Variants in ITGAD observed in about 807,000 individuals in gnomAD.
ITGAD encodes integrin subunit alpha D.
A neutral mutation model predicts 139.0 loss-of-function variants in ITGAD; 105 were observed. The ratio of observed to expected loss-of-function variants is 0.76; its 90% CI spans 0.65 to 0.89. ITGAD has a LOEUF of 0.89. ITGAD is among the 40% of genes least tolerant of loss of function. The probability of loss-of-function intolerance (pLI) is 0.00; values close to 1 mark genes in which losing one functional copy is unlikely to be tolerated. For missense variants in ITGAD, 1,384 were observed against 1,487.3 expected (o/e 0.93, Z 1.14); for synonymous variants, 569 against 598.3 (o/e 0.95, Z 0.71).
At chr16:31,407,428 A>G (rs2081565552) in intron 7 of ITGAD, 87 bp from the exon 8 acceptor site, 1 of 1,281,656 alleles carries the variant, frequency 7.8e-7, no homozygotes, top group African/African-American at 1.5e-5. Context: ...AGGACTCCCC[A>G]GCCTCTCCAG....
intron 7 of ITGAD, among the ~76,000 whole-genome samples, chr16:31,406,574 G>C (rs2081545039): frequency 6.6e-6 from 1 of 152,176 alleles, no homozygotes; most frequent in African/African-American, 2.4e-5. Flanking sequence ...TGGTGCCTGT[G>C]GGGGATATGC....
chr16:31,413,482 C>T (rs2142775935), intron 16 of ITGAD, among the ~76,000 whole-genome samples: 1 of 152,302 alleles, frequency 6.6e-6, no homozygotes, highest in South Asian at 2.1e-4. Context: ...ACTGCCTTCC[C>T]CCAGCCCCTG....
Position 31,423,201 on chromosome 16 carries a change from C to T in ITGAD, c.2859+9C>T, listed in dbSNP as rs2082041154. On this transcript the variant is annotated intron_variant, in intron 24 of 29. Coordinates refer to ENST00000389202, the MANE Select transcript of ITGAD (RefSeq NM_005353.3). ...CTGAGCATCGATACCGTGTGAGAGT[C>T]TAGGGAGTATCCATGTCTGCCTTCC... 1 of 1,612,412 alleles carries T rather than the reference C, an allele frequency of 6.2e-7. No homozygotes were observed. The highest frequency in any genetic ancestry group is 1.7e-4 in the Middle Eastern group (1 of 6,060).
chr16:31,394,203 T>A, intron 1 of ITGAD, 33 bp from the exon 2 acceptor site: 1 of 1,391,902 alleles, frequency 7.2e-7, no homozygotes, highest in Non-Finnish European at 1.0e-6. Flanking sequence ...CTTCTTTAAC[T>A]CCCAGCCTCC....
In ITGAD at chr16:31,403,440, T is replaced by C. The variant is rs899982058; in HGVS notation, c.559-60T>C. ...GAGAGACCCTGTCTCTACAAAAAAT[T>C]AAAATAAAAACAATAGTAACAGGCA... On this transcript the variant is annotated intron_variant, in intron 6 of 29. Transcript: ENST00000389202. This position sits in a 1 kb window ranked among gnomAD's most constrained non-coding sequence, Gnocchi z 4.4. 6.3e-7 allele frequency: 1 copy of C among 1,592,560 alleles called. No individual in the cohort carries two copies. The highest frequency in any genetic ancestry group is 8.6e-7 in the Non-Finnish European group (1 of 1,166,576).
chr16:31,425,367 G>A (rs375112568), intron 29 of ITGAD, among the ~76,000 whole-genome samples: 4 of 152,120 alleles, frequency 2.6e-5, no homozygotes, highest in Non-Finnish European at 4.4e-5. Flanking sequence ...CACTGTGCCC[G>A]GCCGTTTCTC....
rs1329969630 is a variant in ITGAD, at chr16:31,426,273, G to T, written c.*145G>T. 5 of 593,032 alleles carry T rather than the reference G, an allele frequency of 8.4e-6. No homozygotes were observed. The Admixed American group carries it at 8.7e-5, about 10-fold the overall frequency. 36.7% of individuals were successfully genotyped at this position (593,032 alleles called of 1,614,324 possible). A position where few individuals can be genotyped will look rare whatever the true frequency, so the allele number is the denominator to read the frequency against. On this transcript the variant is annotated 3_prime_UTR_variant, in exon 30 of 30. Coordinates refer to ENST00000389202, the MANE Select transcript of ITGAD (RefSeq NM_005353.3). ...CTAAGCACCTTCTCGGAGAGATAGA[G>T]ATTGTAATGTTTTTACATATCTGTC... is the stretch of plus-strand genomic sequence containing the variant.
chr16:31,417,069 A>G lies in ITGAD; in HGVS notation c.2499+423A>G, dbSNP rs1263644769. ...TCCCTCCCTCTTTTTTTTGAGACTG[A>G]GTCTTACTCTGTCACCCAGGCTGGA... On this transcript the variant is annotated intron_variant, in intron 20 of 29. Transcript: ENST00000389202. 1.7e-5 allele frequency among the ~76,000 whole-genome samples: 2 copies of G among 120,944 alleles called. 1 individual carries two copies. The highest frequency in any genetic ancestry group is 5.3e-4 in the East Asian group (2 of 3,766). The allele number at this position is 120,944 out of a possible 152,430, so 79.3% of individuals were successfully genotyped here.
At chr16:31,415,353 G>A (rs369338360) in intron 18 of ITGAD, among the ~76,000 whole-genome samples, 4 of 152,100 alleles carry the variant, frequency 2.6e-5, no homozygotes, top group African/African-American at 7.2e-5. Context: ...ACTCCCCTGC[G>A]TAATCCCCCT....
chr16:31,394,725 G>A (rs950971264), intron 2 of ITGAD, among the ~76,000 whole-genome samples: 3 of 152,208 alleles, frequency 2.0e-5, no homozygotes, highest in Admixed American at 1.3e-4. Flanking sequence ...AGGCTGGAGT[G>A]CAGTGGTGCA....
In ITGAD at chr16:31,410,203, A is replaced by T. The variant is rs114279235; in HGVS notation, c.1084-192A>T. On this transcript the variant is annotated intron_variant, in intron 10 of 29. Coordinates refer to ENST00000389202, the MANE Select transcript of ITGAD (RefSeq NM_005353.3). ...AGCACAGCGGGGGCAGACAGGGTGG[A>T]GAGTGAGAGGAGAGGGGGCTGGCGG... Among the ~76,000 whole-genome samples the T allele has an allele frequency of 8.7e-3, 1,324 of 152,154 alleles. 21 individuals are homozygous for T. The highest frequency in any genetic ancestry group is 0.03 in the African/African-American group (1,261 of 41,510).
At position 31,403,310 on chromosome 16, in the gene ITGAD, C is replaced by A; in HGVS notation, c.559-190C>A. 1.6e-6 allele frequency: 1 copy of A among 630,862 alleles called. No homozygotes were observed. Among genetic ancestry groups the A allele is most frequent in the Non-Finnish European group, 2.7e-6 (1 of 374,142 alleles). 39.1% of individuals were successfully genotyped at this position (630,862 alleles called of 1,614,324 possible). A position where few individuals can be genotyped will look rare whatever the true frequency, so the allele number is the denominator to read the frequency against. ...GCAACATAGTGAGACCTTGTCTCTA[C>A]CAAAAACAAAACAAAACAAAAAACA... On this transcript the variant is annotated intron_variant, in intron 6 of 29. Transcript: ENST00000389202. The surrounding 1 kb of genome is among the most constrained non-coding windows in gnomAD (Gnocchi z 4.4).
chr16:31,414,212 C>T (rs2081818467), intron 16 of ITGAD, among the ~76,000 whole-genome samples: 1 of 151,584 alleles, frequency 6.6e-6, no homozygotes, highest in African/African-American at 2.4e-5. Flanking sequence ...AATCTGTCAC[C>T]TATTTAATCT....
chr16:31,416,759 T>A, intron 20 of ITGAD, 113 bp downstream of exon 20: 1 of 988,522 alleles, frequency 1.0e-6, no homozygotes, highest in Non-Finnish European at 1.5e-6. Context: ...TCTCTCTCTC[T>A]CTCTCACACA....
At chr16:31,414,203 A>G (rs2081818109) in intron 16 of ITGAD, among the ~76,000 whole-genome samples, 1 of 151,796 alleles carries the variant, frequency 6.6e-6, no homozygotes, top group African/African-American at 2.4e-5. Flanking sequence ...TGTCTATCTA[A>G]TCTGTCACCT....
chr16:31,397,749 A>G (rs2081306630), intron 4 of ITGAD, 46 bp from the exon 5 acceptor site: 3 of 1,597,054 alleles, frequency 1.9e-6, no homozygotes, highest in South Asian at 2.2e-5. Context: ...GGAGTGAAGG[A>G]GGAGGGGCTG....
Position 31,416,540 on chromosome 16 carries a change from T to G in ITGAD, c.2393T>G (p.Leu798Arg), listed in dbSNP as rs1448911592. 3.7e-6 allele frequency: 6 copies of G among 1,613,596 alleles called. No homozygotes were observed. Among genetic ancestry groups the G allele is most frequent in the Admixed American group, 1.7e-5 (1 of 60,012 alleles). Residue 798 changes from leucine (L) to arginine (R), a missense_variant, in exon 20 of 30, where the codon CTC becomes CGC. Physicochemically the swap from Leu to Arg is moderately radical, Grantham distance 102. Transcript: ENST00000389202. The part of the protein sequence containing the change: ...QTLTVGSSLE[L>R]NVIVTVWNAG... ...CTGACCGTGGGGAGCTCCCTGGAGC[T>G]CAACGTGATTGTGACTGTGTGGAAC...
At chr16:31,421,024 T>C (rs1597160999) in intron 23 of ITGAD, among the ~76,000 whole-genome samples, 1 of 152,360 alleles carries the variant, frequency 6.6e-6, no homozygotes, top group South Asian at 2.1e-4. Flanking sequence ...TATACCCATG[T>C]CAGGCACGTT....
intron 10 of ITGAD, 153 bp downstream of exon 10, chr16:31,408,651 A>G (rs141629775): frequency 8.0e-6 from 5 of 623,846 alleles, no homozygotes; most frequent in East Asian, 5.6e-5. Flanking sequence ...CCAGGAGCAC[A>G]GCAGGGAGGA....
Sources: allele counts gnomAD v4.1 joint callset (sites outside exome capture counted in the v4.1 genomes callset), GRCh38; gene constraint gnomAD v4.1.1; non-coding constraint Gnocchi (gnomAD v3.1); transcripts MANE v1.5; gene names NCBI Gene and HGNC (gene_info 2026-07-23, HGNC 2026-07-21).